The following CDH2 variants were observed in gnomAD, a reference collection of about 807,000 sequenced individuals.
CDH2 encodes the protein cadherin-2.
In CDH2, 17 loss-of-function variants were observed where a neutral mutation model predicts 92.0. The observed-to-expected ratio is 0.18, with a 90% CI of 0.13 to 0.28. CDH2 has a LOEUF of 0.28. Ranked by LOEUF, CDH2 falls within the 10% of genes least tolerant of loss-of-function variation. CDH2 has a pLI of 1.00. For missense variants in CDH2, 862 were observed against 1,133.1 expected (o/e 0.76, Z 3.44); for synonymous variants, 419 against 415.9 (o/e 1.01, Z -0.09).
chr18:27,980,599 A>G (rs2012014944), intron 14 of CDH2, among the ~76,000 whole-genome samples: 1 of 152,140 alleles, frequency 6.6e-6, no homozygotes, highest in African/African-American at 2.4e-5. Context: ...TGCATGGAGA[A>G]ATCACGGAAG....
intron 2 of CDH2, among the ~76,000 whole-genome samples, chr18:28,073,180 C>T (rs2144172275): frequency 6.6e-6 from 1 of 152,162 alleles, no homozygotes; most frequent in Middle Eastern, 3.4e-3. Context: ...AAATCTTCTT[C>T]CAAATAGCCC....
chr18:28,017,723 G>T (rs959994730), intron 2 of CDH2, among the ~76,000 whole-genome samples: 2 of 151,852 alleles, frequency 1.3e-5, no homozygotes, highest in Non-Finnish European at 2.9e-5. Context: ...ATCCCTTTAT[G>T]ATTAAAACCC....
At chr18:28,061,934 GT>G in intron 2 of CDH2, among the ~76,000 whole-genome samples, 1 of 152,226 alleles carries the variant, frequency 6.6e-6, no homozygotes, top group East Asian at 1.9e-4. Flanking sequence ...ACACATGGGG[GT>G]TATGGGAACT....
rs670394 is a variant in CDH2, at chr18:28,051,012, A to G, written c.173-37103T>C. Among the ~76,000 whole-genome samples the G allele has an allele frequency of 5.2e-3, 792 of 152,312 alleles. 9 individuals carry two copies. Among genetic ancestry groups the G allele is most frequent in the African/African-American group, 0.018 (759 of 41,570 alleles). On this transcript the variant is annotated intron_variant, in intron 2 of 15. Coordinates refer to ENST00000269141, the MANE Select transcript of CDH2 (RefSeq NM_001792.5). ...TATTCCTAACTAATCCATGTTACCA[A>G]CTGAAAAGAAAATATTTAATTCTCT...
chr18:28,033,481 G>C (rs1423852756), intron 2 of CDH2, among the ~76,000 whole-genome samples: 1 of 151,614 alleles, frequency 6.6e-6, no homozygotes, highest in Non-Finnish European at 1.5e-5. Flanking sequence ...TAGGTGCTCT[G>C]TGTGTGTGTG....
intron 2 of CDH2, among the ~76,000 whole-genome samples, chr18:28,126,940 G>A (rs2015687414): frequency 2.0e-5 from 3 of 152,138 alleles, no homozygotes; most frequent in Admixed American, 1.3e-4. Context: ...AGCGTTCCAT[G>A]TGACCCTAGA....
intron 2 of CDH2, among the ~76,000 whole-genome samples, chr18:28,053,516 C>A (rs183948793): frequency 6.6e-6 from 1 of 152,260 alleles, no homozygotes; most frequent in East Asian, 1.9e-4. Context: ...TAGGAGTACA[C>A]TCATGTAACA....
intron 2 of CDH2, among the ~76,000 whole-genome samples, chr18:28,024,668 C>A (rs534051680): frequency 6.6e-6 from 1 of 151,722 alleles, no homozygotes; most frequent in South Asian, 2.1e-4. Context: ...GTTTCTGGAA[C>A]TTACTGTTCT....
intron 7 of CDH2, 50 bp downstream of exon 7, chr18:28,002,947 G>A: frequency 1.3e-6 from 2 of 1,483,750 alleles, no homozygotes; most frequent in African/African-American, 1.4e-5. Flanking sequence ...ATGATATTGT[G>A]CACCTTTAAG....
chr18:28,079,060 T>G (rs1385940738), intron 2 of CDH2, among the ~76,000 whole-genome samples: 1 of 152,216 alleles, frequency 6.6e-6, no homozygotes, highest in African/African-American at 2.4e-5. Context: ...ACCTAGCAAC[T>G]TAGTAAATCC....
intron 2 of CDH2, among the ~76,000 whole-genome samples, chr18:28,124,068 A>G (rs1191680531): frequency 6.6e-6 from 1 of 152,074 alleles, no homozygotes; most frequent in Non-Finnish European, 1.5e-5. Context: ...CAGAAAAGCA[A>G]CTCAGTCTCT....
At position 27,990,215 on chromosome 18, in the gene CDH2, T is replaced by C. The variant is rs781265304; in HGVS notation, c.1480A>G (p.Asn494Asp). 3.1e-6 allele frequency: 5 copies of C among 1,613,990 alleles called. No homozygotes were observed. Among genetic ancestry groups the C allele is most frequent in the Non-Finnish European group, 1.7e-6 (2 of 1,180,010 alleles). The change falls in exon 10 of 16, where the codon AAC becomes GAC. Residue 494 changes from asparagine (N) to aspartate (D), a missense_variant. Around this residue, in one of 5 missense-constraint regions of CDH2, gnomAD observed 564 missense variants for 722.2 expected, o/e 0.78. Coordinates refer to ENST00000269141, the MANE Select transcript of CDH2 (RefSeq NM_001792.5). ...TTAGGATTGGGGGCAAAATAAGGGT[T>C]TTCATTTACGTCAATAACTGTAACA... ...VSVTVIDVNENPYFAPNPKII... is the reference protein window; with the variant it reads ...VSVTVIDVNEDPYFAPNPKII...
chr18:27,958,599 G>A (rs1048014615), intron 15 of CDH2, among the ~76,000 whole-genome samples: 10 of 150,166 alleles, frequency 6.7e-5, no homozygotes, highest in African/African-American at 2.4e-4. Context: ...ATAAATAAGT[G>A]TATATTTATA....
intron 2 of CDH2, among the ~76,000 whole-genome samples, chr18:28,124,643 A>G (rs2144278810): frequency 6.6e-6 from 1 of 152,336 alleles, no homozygotes; most frequent in African/African-American, 2.4e-5. Context: ...AAAAGAGAAG[A>G]AAACAATGAT....
intron 2 of CDH2, among the ~76,000 whole-genome samples, chr18:28,090,661 A>C (rs2015020593): frequency 6.6e-6 from 1 of 152,186 alleles, no homozygotes; most frequent in Non-Finnish European, 1.5e-5. Flanking sequence ...ACTGGTGGCA[A>C]TGCTATAAAT....
At position 27,952,242 on chromosome 18, in the gene CDH2, T is replaced by G; in HGVS notation, c.2632A>C (p.Ser878Arg). 1 of 1,604,698 alleles carries G rather than the reference T, an allele frequency of 6.2e-7. No individual in the cohort carries two copies. Among genetic ancestry groups the G allele is most frequent in the Non-Finnish European group, 8.5e-7 (1 of 1,174,340 alleles). Residue 878 changes from serine to arginine, a missense_variant, in exon 16 of 16, where the codon AGT becomes CGT. By Grantham distance (110) the Ser-to-Arg change is moderately radical (BLOSUM62 -1). Around this residue, in one of 5 missense-constraint regions of CDH2, gnomAD observed 114 missense variants for 144.8 expected, o/e 0.79. Transcript: ENST00000269141. ...GSLSSLNSSSSGGEQDYDYLN... is the reference protein window; with the variant it reads ...GSLSSLNSSSRGGEQDYDYLN... ...TAATCATAGTCCTGCTCACCACCAC[T>G]ACTTGAGGAATTAAGGGAGCTCAAG...
intron 15 of CDH2, among the ~76,000 whole-genome samples, 199 bp from the exon 16 acceptor site, chr18:27,952,558 G>A (rs557815929): frequency 3.3e-5 from 5 of 152,118 alleles, no homozygotes; most frequent in Non-Finnish European, 7.4e-5. Context: ...TATCTTTCCG[G>A]TGCAAAGAAA....
chr18:27,933,575 G>A (rs543376062), intron 6 of CDH2, among the ~76,000 whole-genome samples: 1 of 152,278 alleles, frequency 6.6e-6, no homozygotes, highest in South Asian at 2.1e-4. Flanking sequence ...AAAAGAAAGA[G>A]AGAAAAGGAG....
At chr18:28,150,489 C>A (rs28365320) in intron 1 of CDH2, among the ~76,000 whole-genome samples, 2 of 152,130 alleles carry the variant, frequency 1.3e-5, no homozygotes, top group African/African-American at 2.4e-5. Flanking sequence ...AGGGCCATGT[C>A]GAAGCTGTCA....
Sources: gnomAD v4.1 joint callset for allele counts (sites outside exome capture counted in the v4.1 genomes callset) on GRCh38, gnomAD v4.1.1 for gene constraint, gnomAD v4.1.1 regional missense constraint, MANE v1.5 for transcripts, NCBI Gene and HGNC (gene_info 2026-07-23, HGNC 2026-07-21) for gene names.